MID1: variants seen among roughly 807,000 people sequenced by gnomAD.
The protein encoded by MID1 is E3 ubiquitin-protein ligase Midline-1.
In MID1, 7 loss-of-function variants were observed where a neutral mutation model predicts 40.4. The observed-to-expected ratio is 0.17, with a 90% CI of 0.10 to 0.33. The LOEUF is 0.33. Among genes scored for constraint, MID1 ranks in the 10% least tolerant of loss-of-function variants. The pLI is 1.00. For synonymous variants in MID1, 229 were observed against 221.2 expected (o/e 1.04, Z -0.31); for missense variants, 367 against 558.5 (o/e 0.66, Z 3.46).
intron 1 of MID1, among the ~76,000 whole-genome samples, chrX:10,724,158 G>A (rs149217444): frequency 3.4e-3 from 379 of 111,407 alleles, no homozygotes; most frequent in Non-Finnish European, 5.9e-3. Context: ...AACCTACCGG[G>A]TTCAAGCATC....
At chrX:10,805,876 C>G (rs1436796176) in intron 1 of MID1, among the ~76,000 whole-genome samples, 4 of 109,158 alleles carry the variant, frequency 3.7e-5, no homozygotes, top group African/African-American at 6.7e-5. Flanking sequence ...CTTCTTTTGA[C>G]AAGTGTCTGT....
At chrX:10,718,455 G>C (rs1406598945) in intron 1 of MID1, among the ~76,000 whole-genome samples, 1 of 111,689 alleles carries the variant, frequency 9.0e-6, no homozygotes, top group African/African-American at 3.3e-5. Context: ...GGAAGAAATG[G>C]ATAAATTCCT....
rs761703411 is a variant in MID1 at position 10,833,123 on chromosome X, C to T, written c.-187+431G>A. Among the ~76,000 whole-genome samples the T allele has an allele frequency of 3.6e-5, 4 of 112,227 alleles. No homozygotes were observed. The East Asian group carries it at 1.1e-3, about 32-fold the overall frequency. On this transcript the variant is annotated intron_variant, in intron 1 of 10. Transcript: ENST00000380785. ...GTGAATGAAAAATGATACCTTCAGACTGCCTTTTTAGTGACAAATTACGCT... is the reference window on the plus strand; with the variant it reads ...GTGAATGAAAAATGATACCTTCAGATTGCCTTTTTAGTGACAAATTACGCT...
chrX:10,560,827 A>AG (rs1569104935), intron 2 of MID1, among the ~76,000 whole-genome samples: 5 of 97,158 alleles, frequency 5.1e-5, no homozygotes, highest in Admixed American at 1.0e-4. Context: ...TGCTATCCCC[A>AG]TCAAGCTACC....
At chrX:10,501,871 A>C (rs1931564897) in intron 3 of MID1, among the ~76,000 whole-genome samples, 1 of 112,000 alleles carries the variant, frequency 8.9e-6, no homozygotes, top group East Asian at 2.8e-4. Flanking sequence ...GCTAAGTTTT[A>C]TGGTGTAATA....
chrX:10,675,951 G>C (rs770481128), intron 1 of MID1, among the ~76,000 whole-genome samples: 6 of 112,180 alleles, frequency 5.3e-5, no homozygotes, highest in African/African-American at 1.9e-4. Context: ...ACTTGAGTGT[G>C]AACACTCTCC....
At chrX:10,823,727 C>T (rs1017193493) in intron 1 of MID1, among the ~76,000 whole-genome samples, 1 of 110,087 alleles carries the variant, frequency 9.1e-6, no homozygotes, top group South Asian at 3.8e-4. Context: ...ATAGTGACCC[C>T]AGTAAATAAA....
At chrX:10,681,188 G>C (rs866550067) in intron 1 of MID1, among the ~76,000 whole-genome samples, 2 of 110,855 alleles carry the variant, frequency 1.8e-5, no homozygotes, top group Non-Finnish European at 3.8e-5. Context: ...CTAAAATTAA[G>C]GAATTGGTTA....
chrX:10,811,488 T>A (rs2044101421), intron 1 of MID1, among the ~76,000 whole-genome samples: 1 of 112,363 alleles, frequency 8.9e-6, no homozygotes, highest in Non-Finnish European at 1.9e-5. Context: ...GTGGAGAAGC[T>A]GGGATTCAAA....
intron 1 of MID1, among the ~76,000 whole-genome samples, chrX:10,756,640 A>G (rs771837020): frequency 3.6e-5 from 4 of 111,683 alleles, no homozygotes; most frequent in Non-Finnish European, 7.5e-5. Flanking sequence ...GGGGAGATAG[A>G]CACACACTCA....
chrX:10,583,150 G>A (rs1935057267), intron 1 of MID1, among the ~76,000 whole-genome samples: 1 of 111,729 alleles, frequency 9.0e-6, no homozygotes, highest in African/African-American at 3.3e-5. Flanking sequence ...GCTCTAGGCA[G>A]CAGCAAATTG....
chrX:10,497,862 G>A (rs113972858), intron 3 of MID1, among the ~76,000 whole-genome samples: 74 of 111,714 alleles, frequency 6.6e-4, no homozygotes, highest in African/African-American at 2.2e-3. Context: ...TATTAAATAA[G>A]GTATCTATTC....
rs535695271 is a variant in MID1, at chrX:10,495,143, T to C, written c.864+441A>G. Among the ~76,000 whole-genome samples, 105 of 112,044 alleles carry C rather than the reference T, an allele frequency of 9.4e-4. No homozygotes were observed. The South Asian group carries it at 0.037, about 40-fold the overall frequency. ...GACCATGAAGTTATACCTGTATACA[T>C]TTCCTCAAAAACATGGGAAAGTACT... On this transcript the variant is annotated intron_variant, in intron 4 of 9. Transcript: ENST00000317552.
intron 2 of MID1, among the ~76,000 whole-genome samples, chrX:10,535,198 C>T (rs888719646): frequency 2.3e-4 from 26 of 111,718 alleles, no homozygotes; most frequent in Middle Eastern, 4.2e-3. Context: ...TAAATAACTT[C>T]GCCTGAGTGA....
At chrX:10,647,358 T>C (rs1317241306) in intron 1 of MID1, among the ~76,000 whole-genome samples, 1 of 111,588 alleles carries the variant, frequency 9.0e-6, no homozygotes, top group Admixed American at 9.6e-5. Flanking sequence ...AATTGCTTTT[T>C]ATTTCTAGTT....
chrX:10,695,811 C>T (rs1271510236), intron 1 of MID1, among the ~76,000 whole-genome samples: 1 of 111,722 alleles, frequency 9.0e-6, no homozygotes, highest in Non-Finnish European at 1.9e-5. Context: ...AGCTATTGAT[C>T]ATTTGAAATG....
chrX:10,520,597 T>C (rs1426976084), intron 3 of MID1, among the ~76,000 whole-genome samples: 1 of 112,239 alleles, frequency 8.9e-6, no homozygotes, highest in Non-Finnish European at 1.9e-5. Context: ...AAAAATGGAG[T>C]TACTGTCAAA....
intron 1 of MID1, among the ~76,000 whole-genome samples, chrX:10,576,267 A>G (rs1186326730): frequency 9.0e-6 from 1 of 111,644 alleles, no homozygotes; most frequent in East Asian, 2.8e-4. Flanking sequence ...ACATCTGCCT[A>G]TAACATGCTC....
chrX:10,525,750 G>A (rs984284752), intron 2 of MID1, among the ~76,000 whole-genome samples: 2 of 112,358 alleles, frequency 1.8e-5, no homozygotes, highest in Non-Finnish European at 3.8e-5. Context: ...TGAGAGTTCT[G>A]TGTCTGGCTT....
Sources: gnomAD v4.1 joint callset for allele counts (sites outside exome capture counted in the v4.1 genomes callset) on GRCh38, gnomAD v4.1.1 for gene constraint, MANE v1.5 for transcripts, NCBI Gene and HGNC (gene_info 2026-07-23, HGNC 2026-07-21) for gene names.